MGAT4C: variants seen among roughly 807,000 people sequenced by gnomAD.
MGAT4C encodes alpha-1,3-mannosyl-glycoprotein 4-beta-N-acetylglucosaminyltransferase C.
MGAT4C carries 19 observed loss-of-function variants against 40.1 expected under a neutral mutation model. The observed-to-expected ratio is 0.47, with a 90% CI of 0.33 to 0.70. MGAT4C has a LOEUF of 0.70. MGAT4C is among the 30% of genes least tolerant of loss of function. The probability of loss-of-function intolerance (pLI) is 0.02; values close to 1 mark genes in which losing one functional copy is unlikely to be tolerated. For missense variants in MGAT4C, 491 were observed against 563.2 expected (o/e 0.87, Z 1.30); for synonymous variants, 181 against 187.1 (o/e 0.97, Z 0.27).
rs1293533167 is a variant in MGAT4C at position 85,962,661 on chromosome 12, T to C, written c.*16628A>G. 2 of 151,058 alleles carry C rather than the reference T, an allele frequency of 1.3e-5. No individual in the cohort carries two copies. The highest frequency in any genetic ancestry group is 4.8e-5 in the African/African-American group (2 of 41,356). The allele number at this position is 151,058 out of a possible 1,614,324, so 9.4% of individuals were successfully genotyped here. The stretch of plus-strand genomic sequence containing the variant: ...AGTACATTCAACTTGTAATGAACTG[T>C]AAACTTCACCCATAACATTATTAAT... On this transcript the variant is annotated 3_prime_UTR_variant, in exon 5 of 5. Coordinates refer to ENST00000611864, the MANE Select transcript of MGAT4C (RefSeq NM_001351288.2).
At chr12:86,459,835 C>T (rs566317956) in intron 2 of MGAT4C, among the ~76,000 whole-genome samples, 8 of 151,512 alleles carry the variant, frequency 5.3e-5, no homozygotes, top group Non-Finnish European at 8.8e-5. Context: ...GCTCTACTCT[C>T]ACCCTAGGAC....
intron 1 of MGAT4C, among the ~76,000 whole-genome samples, chr12:86,776,055 C>G (rs139129952): frequency 6.6e-6 from 1 of 151,798 alleles, no homozygotes. Flanking sequence ...TTTATAAATA[C>G]CTGAACTAAA....
chr12:86,486,626 G>A (rs1267900464), intron 2 of MGAT4C, among the ~76,000 whole-genome samples: 1 of 152,018 alleles, frequency 6.6e-6, no homozygotes, highest in Non-Finnish European at 1.5e-5. Context: ...CACAATAATC[G>A]TGGGACACTT....
intron 1 of MGAT4C, among the ~76,000 whole-genome samples, chr12:86,796,908 T>C (rs761584847): frequency 1.3e-5 from 2 of 151,868 alleles, no homozygotes; most frequent in Non-Finnish European, 2.9e-5. Context: ...ATACATACAA[T>C]TGTATCTGTC....
At chr12:86,809,994 A>G (rs900133309) in intron 1 of MGAT4C, among the ~76,000 whole-genome samples, 13 of 152,146 alleles carry the variant, frequency 8.5e-5, no homozygotes, top group Admixed American at 7.9e-4. Context: ...CCAATTCATG[A>G]ACAAAAGTTG....
intron 3 of MGAT4C, among the ~76,000 whole-genome samples, chr12:86,423,514 A>G (rs1404993708): frequency 1.3e-5 from 2 of 152,088 alleles, no homozygotes; most frequent in Non-Finnish European, 2.9e-5. Context: ...AATTTCTTCT[A>G]TTGAGTGTTT....
chr12:86,648,430 TATTAGAGTA>T (rs771680080), intron 2 of MGAT4C, among the ~76,000 whole-genome samples: 7 of 151,830 alleles, frequency 4.6e-5, no homozygotes, highest in Non-Finnish European at 1.0e-4. Context: ...TTTGGGAGGT[TATTAGAGTA>T]AGATTAGGTC....
Position 86,106,164 on chromosome 12 carries a change from T to C in MGAT4C, c.-56-56441A>G, listed in dbSNP as rs541063882. Among the ~76,000 whole-genome samples, 10 of 152,354 alleles carry C rather than the reference T, an allele frequency of 6.6e-5. No individual in the cohort carries two copies. The South Asian group carries it at 2.1e-3, about 32-fold the overall frequency. On this transcript the variant is annotated intron_variant, in intron 1 of 4. Coordinates refer to ENST00000611864, the MANE Select transcript of MGAT4C (RefSeq NM_001351288.2). The stretch of plus-strand genomic sequence containing the variant: ...TCTTTTTCTCAGAATTCCTGAACTC[T>C]GGATGATGCTAATAGGTTAGTTTTT...
chr12:86,532,724 C>T (rs375864795), intron 2 of MGAT4C, among the ~76,000 whole-genome samples: 6 of 151,946 alleles, frequency 3.9e-5, no homozygotes, highest in South Asian at 2.1e-4. Context: ...CTGGGGACAA[C>T]TACATTTTAA....
intron 1 of MGAT4C, among the ~76,000 whole-genome samples, chr12:86,190,890 G>A (rs771408042): frequency 5.3e-5 from 8 of 151,896 alleles, no homozygotes; most frequent in Non-Finnish European, 1.0e-4. Flanking sequence ...AGCAAAAACC[G>A]AGGTTTTCCA....
chr12:86,054,018 T>C (rs1449440592), intron 1 of MGAT4C, among the ~76,000 whole-genome samples: 2 of 151,988 alleles, frequency 1.3e-5, no homozygotes, highest in Non-Finnish European at 2.9e-5. Flanking sequence ...ACAGCCGCTA[T>C]GGAAAACAGT....
intron 2 of MGAT4C, among the ~76,000 whole-genome samples, chr12:86,631,392 T>G (rs1402110441): frequency 6.6e-6 from 1 of 151,968 alleles, no homozygotes. Flanking sequence ...TTCACAGAAT[T>G]AGAAAAAACT....
At chr12:86,660,961 C>T (rs1198427101) in intron 2 of MGAT4C, among the ~76,000 whole-genome samples, 1 of 152,174 alleles carries the variant, frequency 6.6e-6, no homozygotes, top group East Asian at 1.9e-4. Context: ...GTGACATCTG[C>T]ATGGTGATTC....
At chr12:86,128,008 C>T (rs2135703036) in intron 1 of MGAT4C, among the ~76,000 whole-genome samples, 1 of 152,132 alleles carries the variant, frequency 6.6e-6, no homozygotes, top group East Asian at 1.9e-4. Flanking sequence ...GTAACACAAT[C>T]GTTCTTTAGC....
chr12:86,088,649 T>G (rs1872343668), intron 1 of MGAT4C, among the ~76,000 whole-genome samples: 1 of 151,720 alleles, frequency 6.6e-6, no homozygotes, highest in East Asian at 1.9e-4. Flanking sequence ...CCCTAAACAT[T>G]AGAGAAATGA....
At chr12:86,115,543 G>C (rs1878272233) in intron 1 of MGAT4C, among the ~76,000 whole-genome samples, 1 of 151,960 alleles carries the variant, frequency 6.6e-6, no homozygotes, top group Non-Finnish European at 1.5e-5. Flanking sequence ...AACATTAACT[G>C]TTGTTTTAAG....
intron 2 of MGAT4C, among the ~76,000 whole-genome samples, chr12:86,607,694 G>A (rs1962092636): frequency 6.6e-6 from 1 of 152,136 alleles, no homozygotes; most frequent in South Asian, 2.1e-4. Context: ...GATAGGATTA[G>A]CCTTTAAAAA....
intron 2 of MGAT4C, among the ~76,000 whole-genome samples, chr12:85,996,741 C>T (rs1886664165): frequency 6.6e-6 from 1 of 150,822 alleles, no homozygotes; most frequent in Non-Finnish European, 1.5e-5. Context: ...TTTCAAAATA[C>T]CTAAACAAAA....
At chr12:86,227,821 A>G (rs1951155343) in intron 1 of MGAT4C, among the ~76,000 whole-genome samples, 1 of 151,908 alleles carries the variant, frequency 6.6e-6, no homozygotes, top group Non-Finnish European at 1.5e-5. Flanking sequence ...GAAGAATATA[A>G]TAAATATTTT....
Sources: gnomAD v4.1 joint callset for allele counts (sites outside exome capture counted in the v4.1 genomes callset) on GRCh38, gnomAD v4.1.1 for gene constraint, MANE v1.5 for transcripts, NCBI Gene and HGNC (gene_info 2026-07-23, HGNC 2026-07-21) for gene names.